The following SPATA6 variants were observed in gnomAD, a reference collection of about 807,000 sequenced individuals.
The protein encoded by SPATA6 is spermatogenesis associated 6, also known as spermatogenesis-associated protein 6.
In SPATA6, 56 loss-of-function variants were observed where a neutral mutation model predicts 65.3. The observed-to-expected ratio is 0.86, with a 90% CI of 0.69 to 1.07. The LOEUF is 1.07. Ranked by LOEUF, SPATA6 falls within the 50% of genes least tolerant of loss-of-function variation. The pLI, the probability that SPATA6 is intolerant of heterozygous loss-of-function variation, is 0.00. For synonymous variants in SPATA6, 199 were observed against 213.2 expected, an observed-to-expected ratio of 0.93 and a Z score of 0.58; for missense variants, 590 against 594.8, an observed-to-expected ratio of 0.99 and a Z score of 0.08.
intron 6 of SPATA6, 139 bp from the exon 7 acceptor site, chr1:48,399,783 G>A (rs1650987650): frequency 1.4e-6 from 1 of 709,466 alleles, no homozygotes; most frequent in African/African-American, 1.8e-5. Context: ...TATCTGTGCT[G>A]ATCCTGGGAT....
the SPATA6 span, among the ~76,000 whole-genome samples, chr1:48,285,900 C>A: frequency 6.6e-6 from 1 of 152,154 alleles, no homozygotes; most frequent in African/African-American, 2.4e-5. Flanking sequence ...TTGCCAGCCA[C>A]CCCCCAACAT....
downstream of SPATA6, among the ~76,000 whole-genome samples, chr1:48,290,926 T>G (rs1478092975): frequency 4.6e-5 from 7 of 152,158 alleles, no homozygotes; most frequent in South Asian, 1.5e-3. Context: ...CTGTCAACAT[T>G]AGACAGATCA....
intron 12 of SPATA6, among the ~76,000 whole-genome samples, chr1:48,303,593 A>C (rs1166036234): frequency 6.6e-6 from 1 of 152,146 alleles, no homozygotes; most frequent in East Asian, 1.9e-4. Flanking sequence ...GTTGCTAATG[A>C]AAAGATTTCA....
chr1:48,404,760 C>T (rs1328326788), intron 5 of SPATA6, among the ~76,000 whole-genome samples: 1 of 152,206 alleles, frequency 6.6e-6, no homozygotes, highest in Admixed American at 6.5e-5. Context: ...TATAATGTAT[C>T]TTACATTCAT....
At chr1:48,397,611 A>AT (rs1279841697) in intron 7 of SPATA6, among the ~76,000 whole-genome samples, 1 of 151,706 alleles carries the variant, frequency 6.6e-6, no homozygotes, top group Non-Finnish European at 1.5e-5. Flanking sequence ...AAAGTGTTAC[A>AT]TTTTGCATAT....
intron 9 of SPATA6, among the ~76,000 whole-genome samples, chr1:48,369,978 C>G (rs1364418618): frequency 6.6e-6 from 1 of 152,198 alleles, no homozygotes; most frequent in Non-Finnish European, 1.5e-5. Context: ...ACATGCTCTT[C>G]AAATCTATGA....
intron 11 of SPATA6, chr1:48,325,574 TC>T: frequency 1.0e-6 from 1 of 958,924 alleles, no homozygotes; most frequent in Non-Finnish European, 1.7e-6. Flanking sequence ...TAGATTTCCC[TC>T]CTCAATGGTA....
intron 11 of SPATA6, among the ~76,000 whole-genome samples, chr1:48,313,909 A>G (rs940603789): frequency 5.3e-5 from 8 of 152,168 alleles, no homozygotes; most frequent in Admixed American, 6.5e-5. Flanking sequence ...TGATAAAACA[A>G]ACTTTAAATC....
intron 3 of SPATA6, among the ~76,000 whole-genome samples, chr1:48,440,813 A>G (rs1557712833): frequency 6.6e-6 from 1 of 152,190 alleles, no homozygotes; most frequent in Non-Finnish European, 1.5e-5. Flanking sequence ...TCGAAAAGCG[A>G]GCCCTGGGCT....
intron 3 of SPATA6, among the ~76,000 whole-genome samples, chr1:48,429,306 T>C (rs972405399): frequency 9.2e-5 from 14 of 152,138 alleles, no homozygotes; most frequent in African/African-American, 3.1e-4. Context: ...TTTTCCCTTT[T>C]TGGGAGCCTT....
chr1:48,335,734 A>G (rs1370522141), intron 11 of SPATA6, among the ~76,000 whole-genome samples: 1 of 152,204 alleles, frequency 6.6e-6, no homozygotes, highest in African/African-American at 2.4e-5. Flanking sequence ...CAAAGATCTC[A>G]TGACAGAAAA....
intron 9 of SPATA6, among the ~76,000 whole-genome samples, chr1:48,373,325 A>T (rs1411808797): frequency 6.6e-6 from 1 of 152,106 alleles, no homozygotes; most frequent in Non-Finnish European, 1.5e-5. Context: ...AAATGCCGCC[A>T]CTCTCTTTAC....
intron 8 of SPATA6, among the ~76,000 whole-genome samples, chr1:48,387,874 A>G (rs1369380993): frequency 2.6e-5 from 4 of 152,126 alleles, no homozygotes; most frequent in Admixed American, 2.0e-4. Context: ...GTCAAAAACA[A>G]TGCACACCGC....
At chr1:48,441,189 G>C (rs751186533) in intron 3 of SPATA6, among the ~76,000 whole-genome samples, 2 of 152,186 alleles carry the variant, frequency 1.3e-5, no homozygotes, top group East Asian at 3.9e-4. Context: ...CAGGACTGAG[G>C]GTGCCCAGGG....
At position 48,312,736 on chromosome 1, in the gene SPATA6, A is replaced by C. The variant is rs1249938290; in HGVS notation, c.1195-6858T>G. Among the ~76,000 whole-genome samples the C allele has an allele frequency of 2.0e-5, 3 of 152,284 alleles. No homozygotes were observed. The East Asian group carries it at 5.8e-4, about 29-fold the overall frequency. On this transcript the variant is annotated intron_variant, in intron 11 of 12. Coordinates refer to ENST00000371847, the MANE Select transcript of SPATA6 (RefSeq NM_019073.4). Reference sequence around the variant, plus strand: ...AGTTGAGAGAAGAAGGCTTCAGATGATCAAACGACTCCAAGCTAAAGGAGG... The same window carrying C: ...AGTTGAGAGAAGAAGGCTTCAGATGCTCAAACGACTCCAAGCTAAAGGAGG...
intron 3 of SPATA6, 50 bp downstream of exon 3, chr1:48,451,502 T>C (rs746732442): frequency 6.5e-7 from 1 of 1,547,234 alleles, no homozygotes; most frequent in Admixed American, 1.8e-5. Flanking sequence ...ATAAGGATAA[T>C]AAATCCTAAA....
At chr1:48,440,179 G>T (rs1655328488) in intron 3 of SPATA6, among the ~76,000 whole-genome samples, 1 of 152,008 alleles carries the variant, frequency 6.6e-6, no homozygotes, top group African/African-American at 2.4e-5. Flanking sequence ...CTGGCTATCG[G>T]TTATGTCCCC....
At chr1:48,353,339 C>G (rs542423737) in intron 11 of SPATA6, among the ~76,000 whole-genome samples, 1 of 150,808 alleles carries the variant, frequency 6.6e-6, no homozygotes, top group Non-Finnish European at 1.5e-5. Flanking sequence ...AAAAGAACCA[C>G]GAGTTAATAC....
chr1:48,337,782 A>G (rs1299206265), intron 11 of SPATA6, among the ~76,000 whole-genome samples: 3 of 152,020 alleles, frequency 2.0e-5, no homozygotes, highest in Admixed American at 6.6e-5. Flanking sequence ...ATAGAAAGAC[A>G]TGCTAGACCT....
Sources: allele counts gnomAD v4.1 joint callset (sites outside exome capture counted in the v4.1 genomes callset), GRCh38; gene constraint gnomAD v4.1.1; transcripts MANE v1.5; gene names NCBI Gene and HGNC (gene_info 2026-07-23, HGNC 2026-07-21).